Variants in CDH23 observed in about 807,000 individuals in gnomAD.
CDH23 encodes the protein cadherin related 23, also known as cadherin-23.
A neutral mutation model predicts 317.1 loss-of-function variants in CDH23; 189 were observed. The observed-to-expected ratio is 0.60, with a 90% CI of 0.53 to 0.67. CDH23 has a LOEUF of 0.67. Ranked by LOEUF, CDH23 falls within the 30% of genes least tolerant of loss-of-function variation. The pLI, the probability that CDH23 is intolerant of heterozygous loss-of-function variation, is 0.00. For synonymous variants in CDH23, 1,839 were observed against 1,876.8 expected (o/e 0.98, Z 0.52); for missense variants, 4,401 against 4,592.4 (o/e 0.96, Z 1.20).
chr10:71,813,157 T>C (rs1303158252), intron 68 of CDH23, 87 bp from the exon 69 acceptor site: 9 of 1,296,628 alleles, frequency 6.9e-6, no homozygotes, highest in South Asian at 2.6e-5. Flanking sequence ...CAGATGTCCG[T>C]GTACCCCTTA....
chr10:71,773,262 G>T, intron 38 of CDH23: 1 of 1,374,358 alleles, frequency 7.3e-7, no homozygotes, highest in Non-Finnish European at 1.0e-6. Flanking sequence ...CACACAGGCT[G>T]AGAGGGCCCC....
chr10:71,535,840 C>T (rs986387353), intron 6 of CDH23, among the ~76,000 whole-genome samples: 2 of 152,248 alleles, frequency 1.3e-5, no homozygotes, highest in African/African-American at 4.8e-5. Context: ...TGTGCTCCGG[C>T]CCAGATGTGC....
At chr10:71,446,922 T>C (rs1046375982) in intron 3 of CDH23, among the ~76,000 whole-genome samples, 3 of 152,204 alleles carry the variant, frequency 2.0e-5, no homozygotes, top group African/African-American at 4.8e-5. Flanking sequence ...GCTCAGCTCT[T>C]AGGACCCAGA....
At chr10:71,554,494 A>G (rs1856776053) in intron 6 of CDH23, among the ~76,000 whole-genome samples, 1 of 151,978 alleles carries the variant, frequency 6.6e-6, no homozygotes, top group African/African-American at 2.4e-5. Context: ...AAAAAATTCC[A>G]GGAGACTCCT....
Position 71,574,618 on chromosome 10 carries a change from G to C in CDH23, c.754-3296G>C, listed in dbSNP as rs79030995. Among the ~76,000 whole-genome samples the C allele has an allele frequency of 6.3e-3, 953 of 152,306 alleles. 15 individuals are homozygous for C. The highest frequency in any genetic ancestry group is 0.022 in the African/African-American group (899 of 41,562). ...TCCCGTCATGGAAATGGGGTAGGGG[G>C]TGTCCCGGCTGAGCTTGCTGAGCAG... On this transcript the variant is annotated intron_variant, in intron 8 of 69. Transcript: ENST00000224721.
chr10:71,579,246 T>G (rs1858457784), intron 9 of CDH23, among the ~76,000 whole-genome samples: 1 of 152,090 alleles, frequency 6.6e-6, no homozygotes, highest in African/African-American at 2.4e-5. Context: ...AGGGGTGTCA[T>G]GGGCTCCCTG....
Position 71,682,474 on chromosome 10 carries a change from G to C in CDH23, c.1888G>C (p.Glu630Gln), listed in dbSNP as rs2132682527. 6.2e-7 allele frequency: 1 copy of C among 1,612,618 alleles called. No individual in the cohort carries two copies. Among genetic ancestry groups the C allele is most frequent in the Admixed American group, 1.7e-5 (1 of 59,852 alleles). ...CAGCGTCAGTCGCCCCCTGGATTATGAACAGATATCCAATGGGCTGATTTA... is the reference window on the plus strand; with the variant it reads ...CAGCGTCAGTCGCCCCCTGGATTATCAACAGATATCCAATGGGCTGATTTA... ...VISVSRPLDY[E>Q]QISNGLIYLT... The change falls in exon 18 of 70, where the codon GAA becomes CAA. Residue 630 changes from glutamate (E) to glutamine (Q), a missense_variant. This residue lies in a region of CDH23 where 3,068 missense variants were observed against 3,203.3 expected (regional missense o/e 0.96). Coordinates refer to ENST00000224721, the MANE Select transcript of CDH23 (RefSeq NM_022124.6).
chr10:71,563,580 C>G (rs1435997867), intron 6 of CDH23, among the ~76,000 whole-genome samples: 1 of 152,144 alleles, frequency 6.6e-6, no homozygotes, highest in Non-Finnish European at 1.5e-5. Context: ...ATACTTCCCC[C>G]TTTATGTGGG....
At chr10:71,765,523 A>C (rs1840516097) in intron 38 of CDH23, among the ~76,000 whole-genome samples, 1 of 152,142 alleles carries the variant, frequency 6.6e-6, no homozygotes, top group African/African-American at 2.4e-5. Flanking sequence ...GGGGCAGGGC[A>C]CCAGGCTGGG....
At chr10:71,584,698 G>A (rs569347953) in intron 9 of CDH23, among the ~76,000 whole-genome samples, 14 of 152,252 alleles carry the variant, frequency 9.2e-5, no homozygotes, top group East Asian at 3.9e-4. Flanking sequence ...GGAGACCATC[G>A]TGCGAAACAC....
chr10:71,760,946 C>G (rs747038589), intron 38 of CDH23: 2 of 1,613,114 alleles, frequency 1.2e-6, no homozygotes, highest in South Asian at 2.2e-5. Flanking sequence ...AACAGAAGGG[C>G]CATTAGGTGG....
intron 3 of CDH23, among the ~76,000 whole-genome samples, chr10:71,483,646 C>A (rs140287072): frequency 1.3e-5 from 2 of 152,218 alleles, no homozygotes; most frequent in African/African-American, 4.8e-5. Context: ...GGGCCTTCGC[C>A]GTCCTAAGGG....
chr10:71,502,290 G>T (rs1461286021), intron 3 of CDH23, among the ~76,000 whole-genome samples: 1 of 152,196 alleles, frequency 6.6e-6, no homozygotes, highest in Non-Finnish European at 1.5e-5. Context: ...CAAAAGCCTT[G>T]CTTTCTTGTG....
Position 71,459,266 on chromosome 10 carries a change from A to T in CDH23, c.145+12871A>T, listed in dbSNP as rs968937814. Among the ~76,000 whole-genome samples, 3 of 151,030 alleles carry T rather than the reference A, an allele frequency of 2.0e-5. No individual in the cohort carries two copies. The East Asian group carries it at 5.9e-4, about 30-fold the overall frequency. The stretch of plus-strand genomic sequence containing the variant: ...CCACACCTGGCTAATTGTTTTTTAA[A>T]TTTTTTTTGTAGAGATGGGGGTCTC... On this transcript the variant is annotated intron_variant, in intron 3 of 69. Coordinates refer to ENST00000224721, the MANE Select transcript of CDH23 (RefSeq NM_022124.6).
rs1281067696 is a variant in CDH23 at position 71,510,129 on chromosome 10, C to G, written c.193C>G (p.Leu65Val). 1.2e-6 allele frequency: 2 copies of G among 1,614,058 alleles called. No homozygotes were observed. The highest frequency in any genetic ancestry group is 1.7e-6 in the Non-Finnish European group (2 of 1,179,906). Residue 65 changes from leucine to valine, a missense_variant, in exon 4 of 70, where the codon CTG becomes GTG. This residue lies in a region of CDH23 where 3,068 missense variants were observed against 3,203.3 expected (regional missense o/e 0.96). Transcript: ENST00000224721. ...GGCCCAAGACATGGACAATGACCCC[C>G]TGGTGTTTGGCGTGTCTGGGGAGGA... ...LLAQDMDNDP[L>V]VFGVSGEEAS...
chr10:71,682,089 C>CCAAG (rs1864676355), intron 17 of CDH23, among the ~76,000 whole-genome samples: 1 of 152,180 alleles, frequency 6.6e-6, no homozygotes, highest in African/African-American at 2.4e-5. Flanking sequence ...GGAGCACCTA[C>CCAAG]TAAGAAAGAG....
rs1465627572 is a variant in CDH23 at position 71,784,283 on chromosome 10, C to T, written c.5369-4C>T. The T allele has an allele frequency of 6.2e-7, 1 of 1,612,614 alleles. No homozygotes were observed. The highest frequency in any genetic ancestry group is 8.5e-7 in the Non-Finnish European group (1 of 1,179,024). ...TAACTTGGGCCTCTCCTGGTGACAC[C>T]CAGGGGAGTTTGTGATCTCTCCTGT... is the stretch of plus-strand genomic sequence containing the variant. On this transcript the variant is annotated splice_polypyrimidine_tract_variant and splice_region_variant and intron_variant, in intron 41 of 69. Coordinates refer to ENST00000224721, the MANE Select transcript of CDH23 (RefSeq NM_022124.6).
At chr10:71,800,794 G>A in intron 53 of CDH23, 39 bp downstream of exon 53, 1 of 1,606,844 alleles carries the variant, frequency 6.2e-7, no homozygotes, top group Non-Finnish European at 8.5e-7. Flanking sequence ...GACAGGGACT[G>A]GGGTTGTGGA....
chr10:71,796,944 T>C, intron 48 of CDH23, 160 bp from the exon 49 acceptor site: 1 of 586,300 alleles, frequency 1.7e-6, no homozygotes, highest in East Asian at 3.0e-5. Context: ...GACCCAAGCT[T>C]ATGAGGAGGC....
Sources: allele counts gnomAD v4.1 joint callset (sites outside exome capture counted in the v4.1 genomes callset), GRCh38; gene constraint gnomAD v4.1.1; regional missense constraint gnomAD v4.1.1; transcripts MANE v1.5; gene names NCBI Gene and HGNC (gene_info 2026-07-23, HGNC 2026-07-21).